The following ZNF804B variants were observed in gnomAD, a reference collection of about 807,000 sequenced individuals.
ZNF804B encodes zinc finger protein 804B, also known as zinc finger 804B.
In ZNF804B, 80 loss-of-function variants were observed where a neutral mutation model predicts 101.4. The ratio of observed to expected loss-of-function variants is 0.79; its 90% confidence interval spans 0.66 to 0.95. ZNF804B has a LOEUF of 0.95. Ranked by LOEUF, ZNF804B falls within the 40% of genes least tolerant of loss-of-function variation. ZNF804B has a pLI of 0.00. For missense variants in ZNF804B, 1,673 were observed against 1,561.9 expected (o/e 1.07, Z -1.20); for synonymous variants, 622 against 558.8 (o/e 1.11, Z -1.59).
intron 1 of ZNF804B, among the ~76,000 whole-genome samples, chr7:89,015,920 C>T (rs1282379568): frequency 2.0e-5 from 3 of 150,968 alleles, no homozygotes; most frequent in Non-Finnish European, 3.0e-5. Flanking sequence ...ACACTGACTT[C>T]CACAATGGTT....
intron 1 of ZNF804B, among the ~76,000 whole-genome samples, chr7:88,969,132 G>A (rs889789907): frequency 4.8e-4 from 72 of 151,522 alleles, no homozygotes; most frequent in African/African-American, 1.6e-3. Context: ...TCAAAATAAA[G>A]CATATTTGCT....
chr7:89,066,251 G>GT (rs35736149), intron 1 of ZNF804B, among the ~76,000 whole-genome samples: 68,118 of 151,750 alleles, frequency 0.45, 16,109 homozygotes, highest in Non-Finnish European at 0.53. Context: ...TGGCTAGCTG[G>GT]TGTAGTAATG....
chr7:88,870,371 C>T lies in ZNF804B; in HGVS notation c.108+110287C>T, dbSNP rs371242702. ...CTGCACTCCAGCCTGGGCGACAGAG[C>T]GAAACTCCGTCTCAAAAAAAAAAAA... On this transcript the variant is annotated intron_variant, in intron 1 of 3. Coordinates refer to ENST00000333190, the MANE Select transcript of ZNF804B (RefSeq NM_181646.5). Among the ~76,000 whole-genome samples the T allele has an allele frequency of 5.7e-4, 47 of 82,824 alleles. 1 individual carries two copies. In the East Asian group the frequency reaches 9.6e-3, roughly 17 times the overall value. 54.3% of individuals were successfully genotyped at this position (82,824 alleles called of 152,430 possible).
chr7:89,172,246 T>C lies in ZNF804B; in HGVS notation c.109-45909T>C, dbSNP rs145439825. ...CATTTGATTTGTAAAATATGACTTTTTGACAACATTCAAGAGAATAGTTCA... is the reference window on the plus strand; with the variant it reads ...CATTTGATTTGTAAAATATGACTTTCTGACAACATTCAAGAGAATAGTTCA... On this transcript the variant is annotated intron_variant, in intron 1 of 3. Coordinates refer to ENST00000333190, the MANE Select transcript of ZNF804B (RefSeq NM_181646.5). 4.6e-5 allele frequency among the ~76,000 whole-genome samples: 7 copies of C among 152,292 alleles called. No homozygotes were observed. In the East Asian group the frequency reaches 1.4e-3, roughly 29 times the overall value.
intron 1 of ZNF804B, among the ~76,000 whole-genome samples, chr7:89,059,628 G>A (rs147252501): frequency 6.6e-6 from 1 of 152,186 alleles, no homozygotes; most frequent in East Asian, 1.9e-4. Context: ...TTTAGAAGGG[G>A]CACACATCCA....
At chr7:89,128,849 G>C (rs1790507764) in intron 1 of ZNF804B, among the ~76,000 whole-genome samples, 2 of 152,042 alleles carry the variant, frequency 1.3e-5, no homozygotes, top group East Asian at 1.9e-4. Flanking sequence ...CTCTGTAAAA[G>C]AGACCCTGAT....
At chr7:89,332,526 C>T (rs1358638225) in intron 3 of ZNF804B, among the ~76,000 whole-genome samples, 3 of 151,634 alleles carry the variant, frequency 2.0e-5, no homozygotes, top group African/African-American at 7.3e-5. Context: ...TCCAGTGAAG[C>T]CTTCTTTTAT....
At chr7:88,896,277 T>G (rs1792284221) in intron 1 of ZNF804B, among the ~76,000 whole-genome samples, 1 of 152,186 alleles carries the variant, frequency 6.6e-6, no homozygotes, top group Non-Finnish European at 1.5e-5. Context: ...AAATATATCA[T>G]ACTAATATAA....
intron 1 of ZNF804B, among the ~76,000 whole-genome samples, chr7:89,126,718 C>T (rs17166916): frequency 0.22 from 33,593 of 151,574 alleles, 3,706 homozygotes; most frequent in Middle Eastern, 0.26. Context: ...TTTATAGATT[C>T]GGAGTACGGA....
At chr7:89,316,834 GA>G (rs1210216447) in intron 2 of ZNF804B, among the ~76,000 whole-genome samples, 1 of 151,380 alleles carries the variant, frequency 6.6e-6, no homozygotes, top group Non-Finnish European at 1.5e-5. Flanking sequence ...ACGGAGGCAT[GA>G]AAAAGACCCT....
At chr7:89,259,600 C>T (rs540446136) in intron 2 of ZNF804B, among the ~76,000 whole-genome samples, 1 of 152,248 alleles carries the variant, frequency 6.6e-6, no homozygotes, top group East Asian at 1.9e-4. Flanking sequence ...GAGCCTTAAG[C>T]GTCCTAATGA....
chr7:88,808,561 C>G (rs981632038), intron 1 of ZNF804B, among the ~76,000 whole-genome samples: 1 of 151,924 alleles, frequency 6.6e-6, no homozygotes, highest in African/African-American at 2.4e-5. Flanking sequence ...TGGGATTTAA[C>G]CATCTTCTAA....
At position 89,260,001 on chromosome 7, in the gene ZNF804B, A is replaced by AGAGAGAGG. The variant is rs1007915810; in HGVS notation, c.249+41729_249+41736dup. 2.4e-4 allele frequency among the ~76,000 whole-genome samples: 37 copies of AGAGAGAGG among 152,090 alleles called. 1 individual carries two copies. Among genetic ancestry groups the AGAGAGAGG allele is most frequent in the Admixed American group, 1.7e-3 (26 of 15,276 alleles). The stretch of plus-strand genomic sequence containing the variant: ...CTCCGTCAAAAAAATAAAAAGAGAG[A>AGAGAGAGG]GAGAGAGGGAGAGAGGGAGAGAGGG... On this transcript the variant is annotated intron_variant, in intron 2 of 3. Coordinates refer to ENST00000333190, the MANE Select transcript of ZNF804B (RefSeq NM_181646.5).
intron 1 of ZNF804B, among the ~76,000 whole-genome samples, chr7:89,215,928 T>TAAATA (rs1478604449): frequency 1.4e-5 from 2 of 147,812 alleles, no homozygotes; most frequent in Non-Finnish European, 3.0e-5. Context: ...AATAAATAAA[T>TAAATA]AAGAACTATG....
chr7:89,097,179 TCA>T (rs1473164390), intron 1 of ZNF804B, among the ~76,000 whole-genome samples: 25 of 152,350 alleles, frequency 1.6e-4, no homozygotes, highest in African/African-American at 5.5e-4. Context: ...TCCCCGTCCC[TCA>T]CTTGCCTAAA....
intron 1 of ZNF804B, among the ~76,000 whole-genome samples, chr7:89,214,550 A>C (rs954897129): frequency 1.3e-5 from 2 of 152,086 alleles, no homozygotes; most frequent in Non-Finnish European, 2.9e-5. Flanking sequence ...CTTCAGGCCT[A>C]TTTTTTCAGT....
chr7:89,319,435 T>C (rs1272679585), intron 2 of ZNF804B, among the ~76,000 whole-genome samples: 2 of 152,170 alleles, frequency 1.3e-5, no homozygotes, highest in South Asian at 2.1e-4. Flanking sequence ...CCAAAAACTT[T>C]ATGGGCAACT....
intron 2 of ZNF804B, among the ~76,000 whole-genome samples, chr7:89,309,205 T>G (rs559272441): frequency 6.6e-6 from 1 of 152,224 alleles, no homozygotes; most frequent in African/African-American, 2.4e-5. Context: ...GTGTACCCAA[T>G]GTTTAGCTCC....
chr7:88,849,889 A>C (rs1442971737), intron 1 of ZNF804B, among the ~76,000 whole-genome samples: 3 of 151,950 alleles, frequency 2.0e-5, no homozygotes, highest in Non-Finnish European at 4.4e-5. Context: ...TTATGGAGTT[A>C]AGTTCTCCCT....
Sources: allele counts gnomAD v4.1 joint callset (sites outside exome capture counted in the v4.1 genomes callset), GRCh38; gene constraint gnomAD v4.1.1; transcripts MANE v1.5; gene names NCBI Gene and HGNC (gene_info 2026-07-23, HGNC 2026-07-21).